Variants in RFTN1 observed in about 807,000 individuals in gnomAD.
RFTN1 encodes raftlin.
A neutral mutation model predicts 46.5 loss-of-function variants in RFTN1; 26 were observed. The ratio of observed to expected loss-of-function variants is 0.56; its 90% CI spans 0.41 to 0.78. RFTN1 has a LOEUF of 0.78. Ranked by LOEUF, RFTN1 falls within the 30% of genes least tolerant of loss-of-function variation. The pLI, the probability that RFTN1 is intolerant of heterozygous loss-of-function variation, is 0.00. For missense variants in RFTN1, 693 were observed against 718.7 expected, an observed-to-expected ratio of 0.96 and a Z score of 0.41; for synonymous variants, 261 against 284.2, an observed-to-expected ratio of 0.92 and a Z score of 0.82.
rs149292441 is a variant in RFTN1, at chr3:16,400,702, G to A, written c.441+8673C>T. On this transcript the variant is annotated intron_variant, in intron 4 of 9. Coordinates refer to ENST00000334133, the MANE Select transcript of RFTN1 (RefSeq NM_015150.2). This position sits in a 1 kb window ranked among gnomAD's most constrained non-coding sequence, Gnocchi z 4.5. ...AGCGTATGACCCCTTCCCTCCCTCC[G>A]GCTTAAATTAACTTCAGCGAACCTC... Among the ~76,000 whole-genome samples, 1 of 152,192 alleles carries A rather than the reference G, an allele frequency of 6.6e-6. No individual in the cohort carries two copies. The highest frequency in any genetic ancestry group is 2.4e-5 in the African/African-American group (1 of 41,528).
chr3:16,471,229 C>T (rs1004733802), intron 2 of RFTN1, among the ~76,000 whole-genome samples: 1 of 152,150 alleles, frequency 6.6e-6, no homozygotes, highest in Admixed American at 6.5e-5. Flanking sequence ...GCCTATTACG[C>T]CACAAATCAT....
At chr3:16,343,582 C>G (rs1157653860) in intron 7 of RFTN1, among the ~76,000 whole-genome samples, 1 of 152,218 alleles carries the variant, frequency 6.6e-6, no homozygotes, top group African/African-American at 2.4e-5. Context: ...GAACCTAAGA[C>G]TCTAAGTCAG....
rs192130175 is a variant in RFTN1 at position 16,429,537 on chromosome 3, C to T, written c.332+4314G>A. On this transcript the variant is annotated intron_variant, in intron 3 of 9. Coordinates refer to ENST00000334133, the MANE Select transcript of RFTN1 (RefSeq NM_015150.2). This position sits in a 1 kb window ranked among gnomAD's most constrained non-coding sequence, Gnocchi z 6.4. Reference sequence around the variant, plus strand: ...TCCCAAACTCCTGTGGCATGAGGCACATATCTCATTTACTTAATTAGACTG... The same window carrying T: ...TCCCAAACTCCTGTGGCATGAGGCATATATCTCATTTACTTAATTAGACTG... Among the ~76,000 whole-genome samples, 30 of 152,314 alleles carry T rather than the reference C, an allele frequency of 2.0e-4. No homozygotes were observed. In the Middle Eastern group the frequency reaches 0.01, roughly 52 times the overall value.
intron 3 of RFTN1, among the ~76,000 whole-genome samples, chr3:16,432,402 CAGTTA>C (rs1482042661): frequency 3.9e-5 from 6 of 152,132 alleles, no homozygotes; most frequent in Non-Finnish European, 2.9e-5. Context: ...CCTGTAGTCC[CAGTTA>C]CCTGGGAGGC....
Position 16,400,711 on chromosome 3 carries a change from T to C in RFTN1, c.441+8664A>G, listed in dbSNP as rs979441473. On this transcript the variant is annotated intron_variant, in intron 4 of 9. Transcript: ENST00000334133. The surrounding 1 kb of genome is among the most constrained non-coding windows in gnomAD (Gnocchi z 4.5). ...CCCCTTCCCTCCCTCCGGCTTAAAT[T>C]AACTTCAGCGAACCTCTCTGGACAG... is the stretch of plus-strand genomic sequence containing the variant. Among the ~76,000 whole-genome samples the C allele has an allele frequency of 6.6e-6, 1 of 152,096 alleles. No homozygotes were observed. The highest frequency in any genetic ancestry group is 1.5e-5 in the Non-Finnish European group (1 of 68,026).
chr3:16,353,203 T>TG lies in RFTN1; in HGVS notation c.1146+4728dup, dbSNP rs771579600. Among the ~76,000 whole-genome samples the TG allele has an allele frequency of 1.2e-4, 18 of 152,266 alleles. 2 individuals are homozygous for TG. Among genetic ancestry groups the TG allele is most frequent in the East Asian group, 3.9e-4 (2 of 5,182 alleles). ...AGTTAACTAGAAGCCAAAAGGGACC[T>TG]GCTCAGGCCTTAAAAAGGAAAAATC... is the stretch of plus-strand genomic sequence containing the variant. On this transcript the variant is annotated intron_variant, in intron 7 of 9. Coordinates refer to ENST00000334133, the MANE Select transcript of RFTN1 (RefSeq NM_015150.2). This position sits in a 1 kb window ranked among gnomAD's most constrained non-coding sequence, Gnocchi z 5.4.
At chr3:16,432,928 A>G (rs1452763062) in intron 3 of RFTN1, among the ~76,000 whole-genome samples, 2 of 152,212 alleles carry the variant, frequency 1.3e-5, no homozygotes, top group Admixed American at 6.5e-5. Context: ...ACGCAACCTC[A>G]TGCCTCACAG....
rs898506428 is a variant in RFTN1, at chr3:16,322,343, T to C, written c.1332+1033A>G. Among the ~76,000 whole-genome samples, 3 of 152,244 alleles carry C rather than the reference T, an allele frequency of 2.0e-5. No homozygotes were observed. The highest frequency in any genetic ancestry group is 6.5e-5 in the Admixed American group (1 of 15,286). The stretch of plus-strand genomic sequence containing the variant: ...CACAAGTGGGCTCCCCCTGGAGTTG[T>C]TGGCTGGTGAGGGGCTGCTCCAATC... On this transcript the variant is annotated intron_variant, in intron 9 of 9. Transcript: ENST00000334133. This position sits in a 1 kb window ranked among gnomAD's most constrained non-coding sequence, Gnocchi z 6.2.
At chr3:16,366,176 CGGCAGCAGCCTCAGTGGCTGGTGAT>C (rs2073158419) in intron 6 of RFTN1, among the ~76,000 whole-genome samples, 1 of 139,150 alleles carries the variant, frequency 7.2e-6, no homozygotes, top group African/African-American at 2.7e-5. Context: ...ATGGTGGCAG[CGGCAGCAGCCTCAGTGGCTGGTGAT>C]GGCAGCAGCC....
At chr3:16,441,752 G>C (rs1323309218) in intron 2 of RFTN1, among the ~76,000 whole-genome samples, 3 of 152,218 alleles carry the variant, frequency 2.0e-5, no homozygotes, top group African/African-American at 7.2e-5. Flanking sequence ...AGTGCAACAT[G>C]AGACAGACAC....
Position 16,407,059 on chromosome 3 carries a change from C to A in RFTN1, c.441+2316G>T, listed in dbSNP as rs1003074680. On this transcript the variant is annotated intron_variant, in intron 4 of 9. Coordinates refer to ENST00000334133, the MANE Select transcript of RFTN1 (RefSeq NM_015150.2). The surrounding 1 kb of genome is among the most constrained non-coding windows in gnomAD (Gnocchi z 4.0). ...CATCTCCACTTGGGTACTACAGAAA[C>A]AACACCCCAGTAGCTCGCAAATCGG... Among the ~76,000 whole-genome samples, 1 of 152,330 alleles carries A rather than the reference C, an allele frequency of 6.6e-6. No homozygotes were observed. The highest frequency in any genetic ancestry group is 3.4e-3 in the Middle Eastern group (1 of 294).
Position 16,382,123 on chromosome 3 carries a change from T to C in RFTN1, c.442-4021A>G, listed in dbSNP as rs993201810. Among the ~76,000 whole-genome samples the C allele has an allele frequency of 6.6e-6, 1 of 152,322 alleles. No homozygotes were observed. Among genetic ancestry groups the C allele is most frequent in the African/African-American group, 2.4e-5 (1 of 41,584 alleles). On this transcript the variant is annotated intron_variant, in intron 4 of 9. Coordinates refer to ENST00000334133, the MANE Select transcript of RFTN1 (RefSeq NM_015150.2). This position sits in a 1 kb window ranked among gnomAD's most constrained non-coding sequence, Gnocchi z 4.7. ...CCCCCAAGAAGAGGAAGCATATTTGTAGCTCTGCTTATTTCCTTCAAATAG... is the reference window on the plus strand; with the variant it reads ...CCCCCAAGAAGAGGAAGCATATTTGCAGCTCTGCTTATTTCCTTCAAATAG...
At chr3:16,406,604 C>T (rs567734449) in intron 4 of RFTN1, among the ~76,000 whole-genome samples, 4 of 152,270 alleles carry the variant, frequency 2.6e-5, no homozygotes, top group East Asian at 1.9e-4. Context: ...CAGGATGATA[C>T]GATGGGCTTT....
chr3:16,368,393 C>A (rs150087126), intron 6 of RFTN1, among the ~76,000 whole-genome samples: 2 of 152,174 alleles, frequency 1.3e-5, no homozygotes, highest in Admixed American at 1.3e-4. Context: ...TATATTCGGC[C>A]GGGCACAGTG....
intron 6 of RFTN1, among the ~76,000 whole-genome samples, chr3:16,368,298 G>A (rs1254956506): frequency 6.6e-6 from 1 of 152,182 alleles, no homozygotes; most frequent in Non-Finnish European, 1.5e-5. Flanking sequence ...AAGTACCCAC[G>A]GAGGGCTTCC....
At chr3:16,397,577 T>C (rs1488048924) in intron 4 of RFTN1, among the ~76,000 whole-genome samples, 1 of 152,208 alleles carries the variant, frequency 6.6e-6, no homozygotes, top group Non-Finnish European at 1.5e-5. Flanking sequence ...AACAGCATGC[T>C]GTAAACCTTA....
Position 16,484,801 on chromosome 3 carries a change from C to T in RFTN1, c.145+8924G>A, listed in dbSNP as rs1408493263. On this transcript the variant is annotated intron_variant, in intron 2 of 9. Coordinates refer to ENST00000334133, the MANE Select transcript of RFTN1 (RefSeq NM_015150.2). The surrounding 1 kb of genome is among the most constrained non-coding windows in gnomAD (Gnocchi z 4.6). ...AAACTACAAGATATCCTGCAAAGCTCCAAGTGCTTGGTGGCCTAGCAAGTT... is the reference window on the plus strand; with the variant it reads ...AAACTACAAGATATCCTGCAAAGCTTCAAGTGCTTGGTGGCCTAGCAAGTT... The T allele has an allele frequency of 6.6e-6, 1 of 152,214 alleles. No homozygotes were observed. The highest frequency in any genetic ancestry group is 1.5e-5 in the Non-Finnish European group (1 of 68,036). The allele number at this position is 152,214 out of a possible 1,614,324, so 9.4% of individuals were successfully genotyped here. A position where few individuals can be genotyped will look rare whatever the true frequency, so the allele number is the denominator to read the frequency against.
intron 3 of RFTN1, among the ~76,000 whole-genome samples, chr3:16,419,439 A>T (rs2125465000): frequency 6.6e-6 from 1 of 152,322 alleles, no homozygotes; most frequent in African/African-American, 2.4e-5. Flanking sequence ...TTAGGACAGC[A>T]GCAATGAGAA....
At position 16,370,098 on chromosome 3, in the gene RFTN1, G is replaced by A. The variant is rs1441207028; in HGVS notation, c.1008C>T (p.Val336=). 6.2e-7 allele frequency: 1 copy of A among 1,614,244 alleles called. No homozygotes were observed. The highest frequency in any genetic ancestry group is 8.5e-7 in the Non-Finnish European group (1 of 1,180,040). Residue 336 remains valine (V), a synonymous_variant, in exon 6 of 10, where the codon GTC becomes GTT. Transcript: ENST00000334133. This position sits in a 1 kb window ranked among gnomAD's most constrained non-coding sequence, Gnocchi z 5.5. The stretch of plus-strand genomic sequence containing the variant: ...TACCATTCACTATTCCAAGGTAGAA[G>A]ACTGCGTTCACCAGCATGCCTCCTT... ...FRKGGMLVNA[V]FYLGIVNDSL... is the part of the protein sequence containing the mutation.
Sources: gnomAD v4.1 joint callset for allele counts (sites outside exome capture counted in the v4.1 genomes callset) on GRCh38, gnomAD v4.1.1 for gene constraint, Gnocchi (gnomAD v3.1) non-coding constraint, MANE v1.5 for transcripts, NCBI Gene and HGNC (gene_info 2026-07-23, HGNC 2026-07-21) for gene names.